Variants in PIP4K2A observed in about 807,000 individuals in gnomAD.
The protein encoded by PIP4K2A is phosphatidylinositol 5-phosphate 4-kinase type-2 alpha.
A neutral mutation model predicts 42.9 loss-of-function variants in PIP4K2A; 14 were observed. The ratio of observed to expected loss-of-function variants is 0.33; its 90% CI spans 0.22 to 0.51. PIP4K2A has a LOEUF of 0.51. PIP4K2A is among the 20% of genes least tolerant of loss of function. PIP4K2A has a pLI of 0.97. For synonymous variants in PIP4K2A, 192 were observed against 192.2 expected (o/e 1.00, Z 0.01); for missense variants, 434 against 519.8 (o/e 0.83, Z 1.61).
chr10:22,596,885 C>T (rs376946771), intron 3 of PIP4K2A, among the ~76,000 whole-genome samples: 22 of 152,352 alleles, frequency 1.4e-4, no homozygotes, highest in African/African-American at 4.3e-4. Context: ...CTCCCCCTGC[C>T]GTGCTGCTTC....
intron 1 of PIP4K2A, among the ~76,000 whole-genome samples, chr10:22,613,765 T>C (rs1212707932): frequency 6.6e-6 from 1 of 152,140 alleles, no homozygotes; most frequent in Non-Finnish European, 1.5e-5. Context: ...ACATTCCTCA[T>C]TCTGGCAGAG....
At chr10:22,572,598 C>A (rs1025954920) in intron 5 of PIP4K2A, among the ~76,000 whole-genome samples, 1 of 136,326 alleles carries the variant, frequency 7.3e-6, no homozygotes, top group Non-Finnish European at 1.6e-5. Context: ...GAGGAAGACT[C>A]TTTCTCAAAA....
chr10:22,705,386 C>G (rs11013109), intron 1 of PIP4K2A, among the ~76,000 whole-genome samples: 1 of 119,044 alleles, frequency 8.4e-6, no homozygotes, highest in African/African-American at 3.3e-5. Flanking sequence ...GCTGCAGGAT[C>G]TTTTTTACCC....
At chr10:22,679,266 C>T (rs1414242624) in intron 1 of PIP4K2A, among the ~76,000 whole-genome samples, 1 of 152,142 alleles carries the variant, frequency 6.6e-6, no homozygotes, top group Non-Finnish European at 1.5e-5. Context: ...ATCTGAATAG[C>T]TATTTCTCCA....
intron 6 of PIP4K2A, among the ~76,000 whole-genome samples, chr10:22,557,483 C>G (rs559341723): frequency 6.6e-6 from 1 of 152,144 alleles, no homozygotes; most frequent in Non-Finnish European, 1.5e-5. Flanking sequence ...AATTAACTCA[C>G]GTGTATGTGT....
chr10:22,555,032 C>G (rs1257981893), intron 6 of PIP4K2A, among the ~76,000 whole-genome samples: 1 of 152,244 alleles, frequency 6.6e-6, no homozygotes, highest in East Asian at 1.9e-4. Flanking sequence ...TGTAAATGCA[C>G]AAACACAGCC....
intron 1 of PIP4K2A, among the ~76,000 whole-genome samples, chr10:22,620,372 T>C (rs1043411851): frequency 1.3e-5 from 2 of 152,192 alleles, no homozygotes; most frequent in African/African-American, 4.8e-5. Context: ...AACAAGAGCT[T>C]ACAACGTGGT....
At chr10:22,694,695 C>A (rs1839935955) in intron 1 of PIP4K2A, 1 of 152,102 alleles carries the variant, frequency 6.6e-6, no homozygotes, top group South Asian at 2.1e-4. Context: ...AAGAAAATAA[C>A]TGCTTTTTTG....
At chr10:22,607,862 GAC>G in intron 3 of PIP4K2A, 63 bp downstream of exon 3, 1 of 950,154 alleles carries the variant, frequency 1.1e-6, no homozygotes, top group Non-Finnish European at 1.7e-6. Flanking sequence ...GATCCCAATT[GAC>G]ACAGCAAAAG....
intron 1 of PIP4K2A, among the ~76,000 whole-genome samples, chr10:22,664,159 A>ATATG (rs1252267231): frequency 1.3e-5 from 1 of 74,914 alleles, no homozygotes. Flanking sequence ...ATACACATAT[A>ATATG]TATATATACA....
chr10:22,670,513 G>A (rs192637478), intron 1 of PIP4K2A, among the ~76,000 whole-genome samples: 6 of 152,142 alleles, frequency 3.9e-5, no homozygotes, highest in Middle Eastern at 3.4e-3. Flanking sequence ...CCTCTTACTC[G>A]GCAATTCTTT....
chr10:22,544,768 G>A (rs535475286), intron 7 of PIP4K2A, among the ~76,000 whole-genome samples: 1 of 152,312 alleles, frequency 6.6e-6, no homozygotes, highest in Admixed American at 6.5e-5. Context: ...ACATGGCCCA[G>A]GAGGCCTGGA....
chr10:22,577,133 A>C (rs1214853657), intron 4 of PIP4K2A, among the ~76,000 whole-genome samples: 1 of 151,122 alleles, frequency 6.6e-6, no homozygotes, highest in Non-Finnish European at 1.5e-5. Context: ...ATACGTATTG[A>C]GCATCCATCA....
chr10:22,538,146 C>CTT (rs1353557991), intron 9 of PIP4K2A, among the ~76,000 whole-genome samples: 1 of 152,214 alleles, frequency 6.6e-6, no homozygotes, highest in African/African-American at 2.4e-5. Flanking sequence ...CACCGGGGAA[C>CTT]TTGTAATATT....
chr10:22,698,945 T>C (rs1437184073), intron 1 of PIP4K2A, among the ~76,000 whole-genome samples: 1 of 152,242 alleles, frequency 6.6e-6, no homozygotes, highest in Non-Finnish European at 1.5e-5. Flanking sequence ...AAAGAAGCTT[T>C]ATCTAACACA....
At chr10:22,714,081 C>G in intron 1 of PIP4K2A, 102 bp downstream of exon 1, 1 of 1,275,032 alleles carries the variant, frequency 7.8e-7, no homozygotes, top group Non-Finnish European at 1.1e-6. Flanking sequence ...CCAGGGCTGA[C>G]TCCGGCTCCC....
At chr10:22,674,951 A>C (rs1839527641) in intron 1 of PIP4K2A, among the ~76,000 whole-genome samples, 1 of 151,912 alleles carries the variant, frequency 6.6e-6, no homozygotes, top group South Asian at 2.1e-4. Context: ...CAACAAAACA[A>C]GACCGTAGGA....
chr10:22,565,838 G>GC (rs35803145), intron 6 of PIP4K2A, among the ~76,000 whole-genome samples: 133,097 of 151,708 alleles, frequency 0.88, 58,749 homozygotes, highest in East Asian at 0.99. Flanking sequence ...CTTATAAACA[G>GC]CCCCCCCAGG....
chr10:22,555,345 G>C (rs1004189010), intron 6 of PIP4K2A, among the ~76,000 whole-genome samples: 7 of 152,226 alleles, frequency 4.6e-5, no homozygotes, highest in African/African-American at 2.4e-5. Context: ...ATAGGGTTGT[G>C]AGGGTTGCAT....
Sources: allele counts gnomAD v4.1 joint callset (sites outside exome capture counted in the v4.1 genomes callset), GRCh38; gene constraint gnomAD v4.1.1; transcripts MANE v1.5; gene names NCBI Gene and HGNC (gene_info 2026-07-23, HGNC 2026-07-21).